Variants in JADE3 observed in about 807,000 individuals in gnomAD.
JADE3 encodes protein Jade-3.
In JADE3, 2 loss-of-function variants were observed where a neutral mutation model predicts 50.1. The observed-to-expected ratio is 0.04, with a 90% CI of 0.02 to 0.13. The LOEUF is 0.13. JADE3 is among the 10% of genes least tolerant of loss of function. The probability of loss-of-function intolerance (pLI) is 1.00; values close to 1 mark genes in which losing one functional copy is unlikely to be tolerated. For synonymous variants in JADE3, 218 were observed against 232.9 expected (o/e 0.94, Z 0.58); for missense variants, 475 against 634.4 (o/e 0.75, Z 2.70).
chrX:47,005,210 A>G (rs1928384962), intron 4 of JADE3, among the ~76,000 whole-genome samples: 1 of 111,917 alleles, frequency 8.9e-6, no homozygotes. Context: ...TGACCAGGAA[A>G]GGGACCGCCT....
At chrX:46,995,973 C>T (rs1602400324) in intron 3 of JADE3, among the ~76,000 whole-genome samples, 1 of 112,647 alleles carries the variant, frequency 8.9e-6, no homozygotes, top group East Asian at 2.8e-4. Flanking sequence ...TTTTCATTTG[C>T]TTAAGAAAAA....
rs782781594 is a variant in JADE3 at position 47,006,127 on chromosome X, A to G, written c.284+7850A>G. 1.1e-3 allele frequency among the ~76,000 whole-genome samples: 121 copies of G among 112,291 alleles called. 1 individual carries two copies. In the South Asian group the frequency reaches 0.041, roughly 38 times the overall value. Reference sequence around the variant, plus strand: ...TAACGAAGATTTTAAAACAGCCAACATAAAAATGCTTCAGTGAACAATTGT... The same window carrying G: ...TAACGAAGATTTTAAAACAGCCAACGTAAAAATGCTTCAGTGAACAATTGT... On this transcript the variant is annotated intron_variant, in intron 4 of 10. Coordinates refer to ENST00000614628, the MANE Select transcript of JADE3 (RefSeq NM_014735.5).
At chrX:46,996,287 G>A (rs980048643) in intron 3 of JADE3, among the ~76,000 whole-genome samples, 6 of 111,816 alleles carry the variant, frequency 5.4e-5, no homozygotes, top group Admixed American at 9.5e-5. Flanking sequence ...CACCCACCTC[G>A]GACTCCCAAA....
chrX:46,983,784 A>T (rs1298843936), intron 1 of JADE3, among the ~76,000 whole-genome samples: 1 of 111,744 alleles, frequency 8.9e-6, no homozygotes, highest in African/African-American at 3.3e-5. Flanking sequence ...CAGAGACTTT[A>T]AATGGTTGGT....
intron 1 of JADE3, among the ~76,000 whole-genome samples, chrX:46,927,744 C>G (rs1480593168): frequency 9.8e-5 from 11 of 111,709 alleles, no homozygotes; most frequent in African/African-American, 3.6e-4. Context: ...TACAGAAATA[C>G]TCAGCAAGTC....
intron 6 of JADE3, among the ~76,000 whole-genome samples, chrX:47,030,451 C>T (rs982715331): frequency 2.7e-5 from 3 of 111,758 alleles, no homozygotes; most frequent in African/African-American, 9.8e-5. Context: ...TAAAGTTTCA[C>T]ATAAGAGATT....
At chrX:47,051,310 C>T (rs1929497847) in intron 8 of JADE3, among the ~76,000 whole-genome samples, 1 of 112,167 alleles carries the variant, frequency 8.9e-6, no homozygotes, top group Admixed American at 9.5e-5. Context: ...TGCCAGTATC[C>T]TCTTAGGTGT....
At chrX:47,001,493 A>G (rs1556359049) in intron 4 of JADE3, among the ~76,000 whole-genome samples, 1 of 111,924 alleles carries the variant, frequency 8.9e-6, no homozygotes, top group Non-Finnish European at 1.9e-5. Flanking sequence ...AATATAAGCC[A>G]GCCATATTGG....
chrX:47,013,736 T>G (rs1928612651), intron 4 of JADE3, among the ~76,000 whole-genome samples: 1 of 112,112 alleles, frequency 8.9e-6, no homozygotes, highest in South Asian at 3.7e-4. Flanking sequence ...CCATTGAAAC[T>G]CTCACAAAAT....
At chrX:46,943,487 G>T (rs1556342672) in intron 1 of JADE3, among the ~76,000 whole-genome samples, 1 of 112,167 alleles carries the variant, frequency 8.9e-6, no homozygotes, top group East Asian at 2.8e-4. Flanking sequence ...TATGGTTTTT[G>T]TTTTTAATTG....
At chrX:46,918,291 G>A (rs782653515) in intron 1 of JADE3, among the ~76,000 whole-genome samples, 1 of 112,002 alleles carries the variant, frequency 8.9e-6, no homozygotes, top group Non-Finnish European at 1.9e-5. Flanking sequence ...GAACTATCGA[G>A]TATAAGACTT....
At chrX:46,952,185 G>T (rs782038253) in intron 1 of JADE3, among the ~76,000 whole-genome samples, 1 of 112,217 alleles carries the variant, frequency 8.9e-6, no homozygotes, top group African/African-American at 3.2e-5. Flanking sequence ...ATGGTTCTTT[G>T]TATATCGCAT....
chrX:47,013,075 C>T (rs184497758), intron 4 of JADE3, among the ~76,000 whole-genome samples: 100 of 112,464 alleles, frequency 8.9e-4, no homozygotes, highest in Non-Finnish European at 1.5e-3. Context: ...TGCAGTGGCA[C>T]AATCATAGCT....
intron 4 of JADE3, among the ~76,000 whole-genome samples, chrX:47,021,507 A>G (rs1056358411): frequency 3.6e-5 from 4 of 111,551 alleles, no homozygotes; most frequent in Admixed American, 2.9e-4. Flanking sequence ...ACGTTCAGCT[A>G]TAATATCTGC....
intron 1 of JADE3, among the ~76,000 whole-genome samples, chrX:46,951,580 C>T (rs1556345078): frequency 0.014 from 514 of 35,551 alleles, 3 homozygotes; most frequent in Middle Eastern, 0.045. Flanking sequence ...AGTGAGACTC[C>T]GTCTCAAAAA....
chrX:46,952,809 C>A (rs1927035097), intron 1 of JADE3, among the ~76,000 whole-genome samples: 1 of 111,480 alleles, frequency 9.0e-6, no homozygotes, highest in Non-Finnish European at 1.9e-5. Context: ...ACCAGCCTGG[C>A]CAACATGGTG....
chrX:46,938,587 G>A (rs1169087315), intron 1 of JADE3, among the ~76,000 whole-genome samples: 2 of 112,221 alleles, frequency 1.8e-5, no homozygotes, highest in African/African-American at 6.5e-5. Flanking sequence ...GAAAAGGATA[G>A]TATATTGTAT....
intron 5 of JADE3, among the ~76,000 whole-genome samples, chrX:47,027,335 A>G (rs1381317496): frequency 8.9e-6 from 1 of 112,308 alleles, no homozygotes; most frequent in African/African-American, 3.2e-5. Context: ...TTTAAAAGTC[A>G]TATTTGAAAA....
chrX:47,010,323 A>G (rs999049368), intron 4 of JADE3, among the ~76,000 whole-genome samples: 2 of 111,299 alleles, frequency 1.8e-5, no homozygotes, highest in African/African-American at 6.5e-5. Flanking sequence ...CCGTCTCCCC[A>G]GTTCAACCGA....
Sources: gnomAD v4.1 joint callset for allele counts (sites outside exome capture counted in the v4.1 genomes callset) on GRCh38, gnomAD v4.1.1 for gene constraint, MANE v1.5 for transcripts, NCBI Gene and HGNC (gene_info 2026-07-23, HGNC 2026-07-21) for gene names.